The following URGCP variants were observed in gnomAD, a reference collection of about 807,000 sequenced individuals.
URGCP encodes the protein up-regulator of cell proliferation.
URGCP carries 13 observed loss-of-function variants against 24.6 expected under a neutral mutation model. That is an observed-to-expected ratio of 0.53 (90% confidence interval 0.34 to 0.84). The LOEUF (loss-of-function observed/expected upper bound fraction) is 0.84. URGCP is among the 40% of genes least tolerant of loss of function. The pLI is 0.01. For synonymous variants in URGCP, 444 were observed against 487.2 expected, an observed-to-expected ratio of 0.91 and a Z score of 1.17; for missense variants, 899 against 1,194.3, an observed-to-expected ratio of 0.75 and a Z score of 3.64.
upstream of URGCP, among the ~76,000 whole-genome samples, chr7:43,908,934 C>G (rs536304757): frequency 6.6e-6 from 1 of 152,326 alleles, no homozygotes; most frequent in African/African-American, 2.4e-5. Context: ...GTACACTTAA[C>G]ATGAATTTTA....
chr7:43,920,177 T>C (rs1456106795), intron 1 of URGCP: 1 of 581,454 alleles, frequency 1.7e-6, no homozygotes, highest in East Asian at 2.9e-5. Flanking sequence ...TATACATGCA[T>C]TTTCTGTTAG....
intron 1 of URGCP, chr7:43,919,280 G>C: frequency 1.2e-6 from 1 of 819,782 alleles, no homozygotes; most frequent in South Asian, 1.3e-5. Context: ...TCAAGAGGCT[G>C]ATGCAGAACG....
intron 1 of URGCP, among the ~76,000 whole-genome samples, chr7:43,924,026 CA>C: frequency 6.6e-6 from 1 of 151,892 alleles, no homozygotes; most frequent in Non-Finnish European, 1.5e-5. Context: ...CATGCCACCA[CA>C]CCTGGCTAAA....
Position 43,881,655 on chromosome 7 carries a change from T to C in URGCP, c.202+4A>G, listed in dbSNP as rs1301834025. The C allele has an allele frequency of 6.2e-7, 1 of 1,613,960 alleles. No homozygotes were observed. Among genetic ancestry groups the C allele is most frequent in the African/African-American group, 1.3e-5 (1 of 74,882 alleles). Reference sequence around the variant, plus strand: ...CAGAGAGAAAAGGCAGAGAAAATGCTTACCTGTTGGAAAATCATTGTCCTG... The same window carrying C: ...CAGAGAGAAAAGGCAGAGAAAATGCCTACCTGTTGGAAAATCATTGTCCTG... On this transcript the variant is annotated splice_donor_region_variant and intron_variant, in intron 5 of 5. Coordinates refer to ENST00000453200, the MANE Select transcript of URGCP (RefSeq NM_001077663.3).
At chr7:43,917,129 C>A (rs912523672) in intron 1 of URGCP, among the ~76,000 whole-genome samples, 11 of 152,110 alleles carry the variant, frequency 7.2e-5, no homozygotes, top group Admixed American at 3.9e-4. Flanking sequence ...AACTCAGAAG[C>A]CTGACATGTC....
chr7:43,893,883 GAAAGT>G (rs140869298), intron 1 of URGCP, among the ~76,000 whole-genome samples: 54 of 151,584 alleles, frequency 3.6e-4, no homozygotes, highest in African/African-American at 1.2e-3. Context: ...AAAAAGAAAA[GAAAGT>G]AAAGGGACGA....
intron 5 of URGCP, chr7:43,879,595 C>T (rs185047989): frequency 5.9e-5 from 14 of 236,080 alleles, no homozygotes; most frequent in Admixed American, 2.0e-4. Flanking sequence ...CCTGTAAGAT[C>T]TAACACTGAG....
intron 3 of URGCP, 73 bp from the exon 4 acceptor site, chr7:43,882,030 T>C (rs2095854683): frequency 1.2e-6 from 2 of 1,605,330 alleles, no homozygotes; most frequent in Non-Finnish European, 1.7e-6. Context: ...AAATTTCAAG[T>C]GCTCATGCCT....
chr7:43,899,972 A>G (rs2095886777), intron 1 of URGCP, among the ~76,000 whole-genome samples: 1 of 151,796 alleles, frequency 6.6e-6, no homozygotes, highest in Non-Finnish European at 1.5e-5. Flanking sequence ...CTGTCTCTAC[A>G]AAAAAAATTT....
At chr7:43,885,798 T>C (rs2095861279) in intron 3 of URGCP, among the ~76,000 whole-genome samples, 1 of 152,224 alleles carries the variant, frequency 6.6e-6, no homozygotes, top group South Asian at 2.1e-4. Flanking sequence ...CCATCTGCAA[T>C]GTCCAAGCTG....
At chr7:43,893,608 C>T (rs964803251) in intron 1 of URGCP, among the ~76,000 whole-genome samples, 3 of 151,996 alleles carry the variant, frequency 2.0e-5, no homozygotes, top group Admixed American at 6.5e-5. Flanking sequence ...CAGTGGCTCA[C>T]GCCTATAATC....
intron 5 of URGCP, chr7:43,879,900 CTTT>C (rs965288722): frequency 6.6e-6 from 1 of 151,754 alleles, no homozygotes; most frequent in Non-Finnish European, 1.5e-5. Flanking sequence ...TGCAGGTTTT[CTTT>C]TTTTTCTTTC....
chr7:43,914,346 C>CA (rs1224749811), intron 1 of URGCP, among the ~76,000 whole-genome samples: 1 of 151,820 alleles, frequency 6.6e-6, no homozygotes, highest in Non-Finnish European at 1.5e-5. Flanking sequence ...TAACCACCCT[C>CA]AAAAAAAATT....
chr7:43,890,732 G>T (rs963489894), intron 1 of URGCP, among the ~76,000 whole-genome samples: 1 of 152,138 alleles, frequency 6.6e-6, no homozygotes, highest in African/African-American at 2.4e-5. Context: ...AGGGTCCAGG[G>T]TGTCCACAGC....
chr7:43,925,502 ATTTTT>A (rs1257040742), intron 1 of URGCP, among the ~76,000 whole-genome samples: 1 of 151,750 alleles, frequency 6.6e-6, no homozygotes, highest in Non-Finnish European at 1.5e-5. Flanking sequence ...TTTTATTTTT[ATTTTT>A]TATTATTTTT....
At chr7:43,881,110 T>C (rs532051247) in intron 5 of URGCP, 2 of 688,096 alleles carry the variant, frequency 2.9e-6, no homozygotes, top group South Asian at 1.5e-5. Context: ...TAGCTTTGCC[T>C]GAATGAAACT....
chr7:43,877,813 C>T lies in URGCP; in HGVS notation c.1650G>A (p.Glu550=), dbSNP rs191285339. Residue 550 remains glutamate, a synonymous_variant, in exon 6 of 6, where the codon GAG becomes GAA. Coordinates refer to ENST00000453200, the MANE Select transcript of URGCP (RefSeq NM_001077663.3). The part of the protein sequence containing the change: ...NGHDPSSGVQ[E]FISGISSPSL... ...AGGGGCTGCTGATCCCCGAGATGAA[C>T]TCCTGCACCCCCGAGGAGGGATCAT... 2 of 1,606,154 alleles carry T rather than the reference C, an allele frequency of 1.2e-6. No homozygotes were observed. The highest frequency in any genetic ancestry group is 4.5e-5 in the East Asian group (2 of 44,792).
At chr7:43,921,766 G>A (rs932248835) in intron 1 of URGCP, among the ~76,000 whole-genome samples, 2 of 152,226 alleles carry the variant, frequency 1.3e-5, no homozygotes, top group African/African-American at 4.8e-5. Context: ...ATAAGATAAA[G>A]CTAAAGGTTT....
chr7:43,880,968 G>T (rs1189435846), intron 5 of URGCP, among the ~76,000 whole-genome samples: 13 of 152,066 alleles, frequency 8.5e-5, no homozygotes, highest in Non-Finnish European at 1.8e-4. Flanking sequence ...ACTCTGCTCA[G>T]AGAGTTCCAC....
Sources: gnomAD v4.1 joint callset for allele counts (sites outside exome capture counted in the v4.1 genomes callset) on GRCh38, gnomAD v4.1.1 for gene constraint, MANE v1.5 for transcripts, NCBI Gene and HGNC (gene_info 2026-07-23, HGNC 2026-07-21) for gene names.